PDSS2: variants seen among roughly 807,000 people sequenced by gnomAD.
PDSS2 encodes all trans-polyprenyl-diphosphate synthase PDSS2.
Under a neutral mutation model 44.5 loss-of-function variants are expected in PDSS2, and 31 were observed. That is an observed-to-expected ratio of 0.70 (90% CI 0.52 to 0.94). The LOEUF is 0.94. Among genes scored for constraint, PDSS2 ranks in the 40% least tolerant of loss-of-function variants. PDSS2 has a pLI of 0.00. For missense variants in PDSS2, 452 were observed against 482.2 expected (o/e 0.94, Z 0.59); for synonymous variants, 157 against 180.3 (o/e 0.87, Z 1.03).
intron 1 of PDSS2, among the ~76,000 whole-genome samples, chr6:107,355,971 T>C (rs58948523): frequency 0.013 from 2,040 of 152,290 alleles, 61 homozygotes; most frequent in East Asian, 0.12. Flanking sequence ...AGTCACCACT[T>C]TGATGTCTAC....
intron 2 of PDSS2, among the ~76,000 whole-genome samples, chr6:107,305,710 A>G (rs1776837048): frequency 6.6e-6 from 1 of 152,176 alleles, no homozygotes; most frequent in Non-Finnish European, 1.5e-5. Flanking sequence ...CAGATAACTA[A>G]TGTCTTCTTT....
intron 3 of PDSS2, among the ~76,000 whole-genome samples, chr6:107,258,662 A>ATG (rs1026663759): frequency 6.6e-6 from 1 of 151,940 alleles, no homozygotes; most frequent in Non-Finnish European, 1.5e-5. Flanking sequence ...AATTAGCTGG[A>ATG]TGTGGTGGTG....
At chr6:107,179,908 A>C (rs1771913362) in intron 7 of PDSS2, among the ~76,000 whole-genome samples, 1 of 152,180 alleles carries the variant, frequency 6.6e-6, no homozygotes, top group Admixed American at 6.5e-5. Flanking sequence ...AACAGCTTCA[A>C]ATCACAAAAA....
chr6:107,372,105 C>A (rs1779143245), intron 1 of PDSS2, among the ~76,000 whole-genome samples: 1 of 152,016 alleles, frequency 6.6e-6, no homozygotes, highest in African/African-American at 2.4e-5. Context: ...AAAGTAATAA[C>A]CATTTATTAT....
At chr6:107,316,286 A>T (rs939992319) in intron 2 of PDSS2, among the ~76,000 whole-genome samples, 3 of 152,146 alleles carry the variant, frequency 2.0e-5, no homozygotes, top group Admixed American at 6.5e-5. Flanking sequence ...TATATACATC[A>T]CTTTAATTTT....
intron 2 of PDSS2, among the ~76,000 whole-genome samples, chr6:107,275,641 C>CT (rs1775754659): frequency 6.6e-6 from 1 of 152,108 alleles, no homozygotes; most frequent in Non-Finnish European, 1.5e-5. Context: ...AGTCACTAAA[C>CT]TATATGGGTG....
At chr6:107,431,234 G>C (rs1360452556) in intron 1 of PDSS2, among the ~76,000 whole-genome samples, 1 of 152,098 alleles carries the variant, frequency 6.6e-6, no homozygotes, top group African/African-American at 2.4e-5. Context: ...ATTCCACATA[G>C]CTTTAACTGT....
chr6:107,260,757 G>T lies in PDSS2; in HGVS notation c.630+13272C>A, dbSNP rs570737626. Among the ~76,000 whole-genome samples the T allele has an allele frequency of 2.1e-5, 3 of 145,936 alleles. No homozygotes were observed. In the South Asian group the frequency reaches 6.5e-4, roughly 31 times the overall value. ...CGGCTCACTGCAAGCTCCACCTCCC[G>T]TGTTCAAGCCATTCTCCTGCCTCAG... On this transcript the variant is annotated intron_variant, in intron 3 of 7. Coordinates refer to ENST00000369037, the MANE Select transcript of PDSS2 (RefSeq NM_020381.4).
chr6:107,165,725 G>T (rs1164141273), intron 7 of PDSS2, among the ~76,000 whole-genome samples: 1 of 151,956 alleles, frequency 6.6e-6, no homozygotes, highest in Non-Finnish European at 1.5e-5. Flanking sequence ...GCTTGATGGG[G>T]ATGGCATTGA....
intron 6 of PDSS2, among the ~76,000 whole-genome samples, chr6:107,204,793 A>G (rs1235580551): frequency 3.9e-5 from 6 of 152,120 alleles, no homozygotes; most frequent in Admixed American, 3.3e-4. Flanking sequence ...TATTTATCTT[A>G]TCTCCTCTCT....
chr6:107,328,058 T>C (rs1013616524), intron 2 of PDSS2, among the ~76,000 whole-genome samples: 1 of 152,178 alleles, frequency 6.6e-6, no homozygotes, highest in Non-Finnish European at 1.5e-5. Context: ...GTCCAAGGCA[T>C]TGGTGAGTTG....
chr6:107,207,664 T>G (rs1157045938), intron 6 of PDSS2, among the ~76,000 whole-genome samples: 8 of 139,338 alleles, frequency 5.7e-5, no homozygotes, highest in African/African-American at 2.1e-4. Context: ...CAGGATGGAG[T>G]GCAGTTGTGC....
At position 107,290,943 on chromosome 6, in the gene PDSS2, C is replaced by G. The variant is rs766671362; in HGVS notation, c.432-16716G>C. On this transcript the variant is annotated intron_variant, in intron 2 of 7. Coordinates refer to ENST00000369037, the MANE Select transcript of PDSS2 (RefSeq NM_020381.4). ...GGCAAATAATCAGGGTGGGAGCAGA[C>G]GGAGAAACAGAGAAAAGCAAAAAAA... Among the ~76,000 whole-genome samples the G allele has an allele frequency of 3.3e-5, 5 of 150,838 alleles. 1 individual carries two copies. The South Asian group carries it at 1.0e-3, about 32-fold the overall frequency.
At chr6:107,274,406 A>T (rs567785394) in intron 2 of PDSS2, among the ~76,000 whole-genome samples, 179 bp from the exon 3 acceptor site, 1 of 152,142 alleles carries the variant, frequency 6.6e-6, no homozygotes, top group Admixed American at 6.6e-5. Context: ...TGGGATCTGT[A>T]AGATGTTGAC....
chr6:107,203,517 T>C (rs144736177), intron 6 of PDSS2, among the ~76,000 whole-genome samples: 3 of 152,244 alleles, frequency 2.0e-5, no homozygotes, highest in East Asian at 1.9e-4. Context: ...GTATATAATA[T>C]AGCCAGATTT....
intron 2 of PDSS2, among the ~76,000 whole-genome samples, chr6:107,288,762 T>TTC (rs1562437840): frequency 7.0e-6 from 1 of 143,454 alleles, no homozygotes; most frequent in African/African-American, 2.6e-5. Flanking sequence ...TGTTTTTTTT[T>TTC]TTTTTTTTTT....
At chr6:107,293,509 G>A (rs1051078055) in intron 2 of PDSS2, among the ~76,000 whole-genome samples, 2 of 152,134 alleles carry the variant, frequency 1.3e-5, no homozygotes, top group Non-Finnish European at 2.9e-5. Flanking sequence ...GCCGCGGTAC[G>A]GGAGTTCAGT....
At chr6:107,443,802 C>T (rs1397446431) in intron 1 of PDSS2, among the ~76,000 whole-genome samples, 1 of 152,158 alleles carries the variant, frequency 6.6e-6, no homozygotes, top group African/African-American at 2.4e-5. Context: ...TGGTAGTCTT[C>T]CATTTTCTCT....
At chr6:107,439,352 CAT>C in intron 1 of PDSS2, among the ~76,000 whole-genome samples, 2 of 152,338 alleles carry the variant, frequency 1.3e-5, no homozygotes, top group Middle Eastern at 6.8e-3. Flanking sequence ...AGCTGTCCAT[CAT>C]GAGTTGTTAT....
Sources: allele counts gnomAD v4.1 joint callset (sites outside exome capture counted in the v4.1 genomes callset), GRCh38; gene constraint gnomAD v4.1.1; transcripts MANE v1.5; gene names NCBI Gene and HGNC (gene_info 2026-07-23, HGNC 2026-07-21).